Variants in RHPN1 observed in about 807,000 individuals in gnomAD.
The protein encoded by RHPN1 is rhophilin Rho GTPase binding protein 1, also known as rhophilin-1.
RHPN1 carries 77 observed loss-of-function variants against 74.7 expected under a neutral mutation model. The observed-to-expected ratio is 1.03, with a 90% CI of 0.86 to 1.25. The LOEUF (loss-of-function observed/expected upper bound fraction) is 1.25. Ranked by LOEUF, RHPN1 falls within the 50% of genes most tolerant of loss-of-function variation. The pLI is 0.00. For missense variants in RHPN1, 987 were observed against 932.2 expected, an observed-to-expected ratio of 1.06 and a Z score of -0.77; for synonymous variants, 444 against 414.5, an observed-to-expected ratio of 1.07 and a Z score of -0.87.
intron 1 of RHPN1, chr8:143,374,364 C>T: frequency 1.0e-6 from 1 of 966,850 alleles, no homozygotes; most frequent in Non-Finnish European, 1.2e-6. Flanking sequence ...GAGGTCCTGT[C>T]TCCCGACAAG....
intron 1 of RHPN1, among the ~76,000 whole-genome samples, chr8:143,371,971 G>T (rs1229095846): frequency 6.6e-6 from 1 of 152,250 alleles, no homozygotes; most frequent in Non-Finnish European, 1.5e-5. Flanking sequence ...CAAAGGTCCG[G>T]CTCGGGTCTG....
chr8:143,367,327 C>T (rs1817578867), upstream of RHPN1: 1 of 152,278 alleles, frequency 6.6e-6, no homozygotes, highest in Non-Finnish European at 1.5e-5. Flanking sequence ...GAAACCCTGT[C>T]TCTACAAAAT....
At chr8:143,376,704 CGTGTGT>C in intron 3 of RHPN1, 51 bp downstream of exon 3, 10 of 1,520,584 alleles carry the variant, frequency 6.6e-6, no homozygotes, top group Non-Finnish European at 8.9e-6. Flanking sequence ...TGCACGTGTG[CGTGTGT>C]GTGTGCATGT....
At chr8:143,365,296 A>C (rs1159768118), upstream of RHPN1, among the ~76,000 whole-genome samples, 1 of 152,198 alleles carries the variant, frequency 6.6e-6, no homozygotes, top group African/African-American at 2.4e-5. Flanking sequence ...CCAAGCCTGA[A>C]TGCCCCAGCA....
At chr8:143,370,166 G>C (rs1817729129) in intron 1 of RHPN1, among the ~76,000 whole-genome samples, 2 of 152,342 alleles carry the variant, frequency 1.3e-5, no homozygotes, top group South Asian at 2.1e-4. Context: ...ATGTCCCAGA[G>C]GGCTCCGGAG....
chr8:143,373,224 T>C (rs1444413672), intron 1 of RHPN1, among the ~76,000 whole-genome samples: 1 of 330 alleles, frequency 3.0e-3, no homozygotes, highest in Non-Finnish European at 4.7e-3. Context: ...TGGGGGATGG[T>C]GTGGGTTCCA....
intron 1 of RHPN1, among the ~76,000 whole-genome samples, chr8:143,375,318 A>C (rs976780328): frequency 6.6e-6 from 1 of 152,128 alleles, no homozygotes; most frequent in African/African-American, 2.4e-5. Flanking sequence ...ACGAGTCAGC[A>C]GCTTACCCCA....
upstream of RHPN1, among the ~76,000 whole-genome samples, chr8:143,365,470 C>A (rs568007876): frequency 6.6e-6 from 1 of 152,210 alleles, no homozygotes; most frequent in African/African-American, 2.4e-5. Flanking sequence ...CCGGGCTCTG[C>A]AGATGGGCTG....
chr8:143,381,535 G>A, intron 12 of RHPN1, 37 bp from the exon 13 acceptor site: 4 of 1,584,652 alleles, frequency 2.5e-6, no homozygotes, highest in Non-Finnish European at 2.6e-6. Context: ...CTCAGTGTGT[G>A]GCCCAGCTGG....
intron 1 of RHPN1, among the ~76,000 whole-genome samples, chr8:143,370,869 T>C (rs1469315432): frequency 6.6e-6 from 1 of 152,152 alleles, no homozygotes; most frequent in East Asian, 1.9e-4. Flanking sequence ...TGTGGTTTCC[T>C]GGGGAGGCCA....
At chr8:143,367,038 A>G (rs1037807575), upstream of RHPN1, 2 of 152,318 alleles carry the variant, frequency 1.3e-5, no homozygotes, top group South Asian at 2.1e-4. Flanking sequence ...AGGAAACTTG[A>G]ACCACAGAGC....
In RHPN1 at chr8:143,376,562, C is replaced by T; in HGVS notation, c.214C>T (p.Leu72=). 2 of 1,611,952 alleles carry T rather than the reference C, an allele frequency of 1.2e-6. No homozygotes were observed. Among genetic ancestry groups the T allele is most frequent in the Non-Finnish European group, 1.7e-6 (2 of 1,179,426 alleles). ...CAACCGGGTGAGAGAGACGGTCGCC[C>T]TGGAGCTGAGCTACGTCAACTCCAA... is the stretch of plus-strand genomic sequence containing the variant. ...SNNRVRETVA[L]ELSYVNSNLQ... is the part of the protein sequence containing the mutation. The change falls in exon 3 of 15, where the codon CTG becomes TTG. Residue 72 remains leucine (L), a synonymous_variant. Coordinates refer to ENST00000289013, the MANE Select transcript of RHPN1 (RefSeq NM_052924.3).
At chr8:143,377,048 GTGT>G (rs1563794558) in intron 3 of RHPN1, among the ~76,000 whole-genome samples, 1 of 54,300 alleles carries the variant, frequency 1.8e-5, no homozygotes, top group African/African-American at 5.0e-5. Flanking sequence ...GTGTCTGTGT[GTGT>G]CTGTGTGTGC....
In RHPN1 at chr8:143,380,687, G is replaced by A; in HGVS notation, c.1315G>A (p.Val439Met). Residue 439 changes from valine (V) to methionine (M), a missense_variant, in exon 11 of 15, where the codon GTG becomes ATG. By Grantham distance (21) the Val-to-Met change is conservative (BLOSUM62 1). Coordinates refer to ENST00000289013, the MANE Select transcript of RHPN1 (RefSeq NM_052924.3). ...VLREVDLLRA[V>M]ISQTLQRSLA... ...GCGCGAGGTGGACCTGCTTCGGGCT[G>A]TGATCTCCCAGACGCTGCAGCGCTC... 1 of 1,584,190 alleles carries A rather than the reference G, an allele frequency of 6.3e-7. No individual in the cohort carries two copies. The highest frequency in any genetic ancestry group is 8.6e-7 in the Non-Finnish European group (1 of 1,165,806).
At position 143,379,731 on chromosome 8, in the gene RHPN1, C is replaced by T. The variant is rs898960560; in HGVS notation, c.946-98C>T. On this transcript the variant is annotated intron_variant, in intron 8 of 14. Coordinates refer to ENST00000289013, the MANE Select transcript of RHPN1 (RefSeq NM_052924.3). ...AGGAACTGAGGTGCCAGGGAGGCTG[C>T]TGGGATGGTGGTCGGAGCAGGTGGA... is the stretch of plus-strand genomic sequence containing the variant. 180 of 1,476,600 alleles carry T rather than the reference C, an allele frequency of 1.2e-4. 1 individual carries two copies. In the African/African-American group the frequency reaches 2.2e-3, roughly 18 times the overall value. 91.5% of individuals were successfully genotyped at this position (1,476,600 alleles called of 1,614,324 possible).
At chr8:143,369,888 A>G (rs1817712123) in intron 1 of RHPN1, among the ~76,000 whole-genome samples, 1 of 152,132 alleles carries the variant, frequency 6.6e-6, no homozygotes, top group Non-Finnish European at 1.5e-5. Flanking sequence ...GTTTGGGGTT[A>G]GGTCTCCTAG....
At position 143,379,645 on chromosome 8, in the gene RHPN1, G is replaced by A. The variant is rs922605192; in HGVS notation, c.945+137G>A. On this transcript the variant is annotated intron_variant, in intron 8 of 14. Coordinates refer to ENST00000289013, the MANE Select transcript of RHPN1 (RefSeq NM_052924.3). ...AGCCAGCTGTTGTCCTGCTCCCTGGGGGGGCTGGTCAGGAACCTGGGGACC... is the reference window on the plus strand; with the variant it reads ...AGCCAGCTGTTGTCCTGCTCCCTGGAGGGGCTGGTCAGGAACCTGGGGACC... The A allele has an allele frequency of 3.4e-5, 49 of 1,444,854 alleles. 1 individual carries two copies. Among genetic ancestry groups the A allele is most frequent in the Admixed American group, 5.3e-5 (2 of 38,090 alleles). 89.5% of individuals were successfully genotyped at this position (1,444,854 alleles called of 1,614,324 possible).
intron 1 of RHPN1, among the ~76,000 whole-genome samples, chr8:143,374,665 G>A (rs985011260): frequency 1.4e-4 from 22 of 152,230 alleles, no homozygotes; most frequent in Non-Finnish European, 2.2e-4. Context: ...ACATGGCCAC[G>A]GGGAAGAGTG....
At chr8:143,372,163 C>T (rs1817868627) in intron 1 of RHPN1, among the ~76,000 whole-genome samples, 1 of 152,208 alleles carries the variant, frequency 6.6e-6, no homozygotes, top group South Asian at 2.1e-4. Flanking sequence ...GCCCGTCGCA[C>T]AGCCAGAGCC....
Sources: gnomAD v4.1 joint callset for allele counts (sites outside exome capture counted in the v4.1 genomes callset) on GRCh38, gnomAD v4.1.1 for gene constraint, MANE v1.5 for transcripts, NCBI Gene and HGNC (gene_info 2026-07-23, HGNC 2026-07-21) for gene names.